Variants in SLC5A1 observed in about 807,000 individuals in gnomAD.
SLC5A1 encodes the protein solute carrier family 5 member 1, also known as sodium/glucose cotransporter 1.
In SLC5A1, 42 loss-of-function variants were observed where a neutral mutation model predicts 73.5. That is an observed-to-expected ratio of 0.57 (90% CI 0.45 to 0.74). The LOEUF is 0.74. Among genes scored for constraint, SLC5A1 ranks in the 30% least tolerant of loss-of-function variants. The pLI is 0.00. For synonymous variants in SLC5A1, 300 were observed against 317.4 expected (o/e 0.95, Z 0.58); for missense variants, 634 against 855.4 (o/e 0.74, Z 3.23).
intron 5 of SLC5A1, among the ~76,000 whole-genome samples, chr22:32,070,347 A>G (rs538831272): frequency 6.1e-5 from 9 of 146,510 alleles, no homozygotes; most frequent in African/African-American, 2.3e-4. Flanking sequence ...TTTTTGTGAG[A>G]TAGGGTCTTG....
intron 2 of SLC5A1, 26 bp downstream of exon 2, chr22:32,050,040 A>C (rs2093943249): frequency 6.3e-7 from 1 of 1,586,284 alleles, no homozygotes. Flanking sequence ...AATGCTATTT[A>C]CATAACTGCT....
chr22:32,079,950 G>A (rs929635592), intron 5 of SLC5A1, among the ~76,000 whole-genome samples: 4 of 152,122 alleles, frequency 2.6e-5, no homozygotes, highest in African/African-American at 7.2e-5. Context: ...TCCAGAACCC[G>A]GGAGAAGAAT....
At chr22:32,074,080 T>A (rs1254650785) in intron 5 of SLC5A1, among the ~76,000 whole-genome samples, 1 of 152,054 alleles carries the variant, frequency 6.6e-6, no homozygotes, top group Non-Finnish European at 1.5e-5. Flanking sequence ...GTGGTACCTG[T>A]CTACTGTGCA....
Position 32,064,488 on chromosome 22 carries a change from CCTGT to C in SLC5A1, c.208-2444_208-2441del, listed in dbSNP as rs1289497871. ...CCAGCCTGGGTGACAGGAATAAAAC[CCTGT>C]CTTAGGAAAAAAAAAAAAAAGTGGA... On this transcript the variant is annotated intron_variant, in intron 2 of 14. Coordinates refer to ENST00000266088, the MANE Select transcript of SLC5A1 (RefSeq NM_000343.4). 4.6e-5 allele frequency among the ~76,000 whole-genome samples: 7 copies of C among 151,042 alleles called. No homozygotes were observed. The East Asian group carries it at 1.4e-3, about 29-fold the overall frequency.
intron 2 of SLC5A1, among the ~76,000 whole-genome samples, chr22:32,055,423 C>T (rs936979069): frequency 8.5e-5 from 13 of 152,342 alleles, no homozygotes; most frequent in Admixed American, 5.9e-4. Context: ...TTCAAACTTC[C>T]TCTGTGGAAA....
At chr22:32,060,144 TACACACACACACACACACACACAC>T (rs61064953) in intron 2 of SLC5A1, among the ~76,000 whole-genome samples, 1 of 125,114 alleles carries the variant, frequency 8.0e-6, no homozygotes, top group Non-Finnish European at 1.6e-5. Context: ...TATATACACA[TACACACACACACACACACACACAC>T]ACACACACAC....
intron 5 of SLC5A1, among the ~76,000 whole-genome samples, chr22:32,075,882 T>C (rs2093990155): frequency 6.6e-6 from 1 of 152,208 alleles, no homozygotes; most frequent in Non-Finnish European, 1.5e-5. Context: ...ATATCAACTG[T>C]ACCTGCTAGA....
At position 32,110,723 on chromosome 22, in the gene SLC5A1, G is replaced by C. The variant is rs886057408; in HGVS notation, c.*510G>C. Reference sequence around the variant, plus strand: ...AAGTGTGTCAATCAGGTAAACTGAGGAATGCATGGAAGCTGAGGATGGAGC... The same window carrying C: ...AAGTGTGTCAATCAGGTAAACTGAGCAATGCATGGAAGCTGAGGATGGAGC... On this transcript the variant is annotated 3_prime_UTR_variant, in exon 15 of 15. Transcript: ENST00000266088. 4.8e-6 allele frequency: 1 copy of C among 207,016 alleles called. No homozygotes were observed. The allele number at this position is 207,016 out of a possible 1,614,324, so 12.8% of individuals were successfully genotyped here. A position where few individuals can be genotyped will look rare whatever the true frequency, so the allele number is the denominator to read the frequency against.
intron 13 of SLC5A1, among the ~76,000 whole-genome samples, chr22:32,103,591 G>A (rs1460645672): frequency 6.6e-6 from 1 of 152,214 alleles, no homozygotes; most frequent in Admixed American, 6.5e-5. Context: ...TGGCTTAGAA[G>A]CCTATGTTCC....
At chr22:32,105,454 C>T (rs1344594618) in intron 14 of SLC5A1, among the ~76,000 whole-genome samples, 2 of 152,034 alleles carry the variant, frequency 1.3e-5, no homozygotes, top group East Asian at 1.9e-4. Flanking sequence ...CCACCACGCC[C>T]GGCTAATTTT....
intron 14 of SLC5A1, among the ~76,000 whole-genome samples, chr22:32,107,650 A>G (rs557461422): frequency 1.3e-5 from 2 of 152,312 alleles, no homozygotes; most frequent in African/African-American, 4.8e-5. Context: ...GTATGTGTAC[A>G]TCTGTCAAGG....
At chr22:32,087,525 G>A (rs1281059554) in intron 10 of SLC5A1, among the ~76,000 whole-genome samples, 1 of 152,126 alleles carries the variant, frequency 6.6e-6, no homozygotes, top group Non-Finnish European at 1.5e-5. Flanking sequence ...GCTCTAGAAT[G>A]AGAAAGTCTG....
chr22:32,096,911 A>G (rs532915742), intron 11 of SLC5A1, among the ~76,000 whole-genome samples: 1 of 152,332 alleles, frequency 6.6e-6, no homozygotes, highest in East Asian at 1.9e-4. Flanking sequence ...GCCACTTTCA[A>G]TTGACAAGAT....
chr22:32,057,800 A>G (rs1452252835), intron 2 of SLC5A1, among the ~76,000 whole-genome samples: 1 of 152,182 alleles, frequency 6.6e-6, no homozygotes, highest in Non-Finnish European at 1.5e-5. Flanking sequence ...TTCTATTTCC[A>G]GGCACACAAA....
intron 11 of SLC5A1, among the ~76,000 whole-genome samples, chr22:32,092,578 G>C (rs997805986): frequency 8.5e-5 from 13 of 152,148 alleles, no homozygotes; most frequent in African/African-American, 3.1e-4. Flanking sequence ...CAGTGTAAAA[G>C]TGTTCTTTTC....
Position 32,104,865 on chromosome 22 carries a change from A to G in SLC5A1, c.1745A>G (p.Glu582Gly). The G allele has an allele frequency of 1.2e-6, 2 of 1,613,878 alleles. No individual in the cohort carries two copies. Among genetic ancestry groups the G allele is most frequent in the East Asian group, 2.2e-5 (1 of 44,882 alleles). ...GATGCGGAAGAGGAGAACATCCAAG[A>G]AGGCCCTAAGGAGACCATTGAAATA... ...DLDAEEENIQ[E>G]GPKETIEIET... The change falls in exon 14 of 15, where the codon GAA becomes GGA. Residue 582 changes from glutamate (E) to glycine (G), a missense_variant. Around this residue, in one of 3 missense-constraint regions of SLC5A1, gnomAD observed 161 missense variants for 178.7 expected, o/e 0.90. Coordinates refer to ENST00000266088, the MANE Select transcript of SLC5A1 (RefSeq NM_000343.4).
At chr22:32,095,031 T>C (rs962855091) in intron 11 of SLC5A1, among the ~76,000 whole-genome samples, 1 of 152,160 alleles carries the variant, frequency 6.6e-6, no homozygotes, top group East Asian at 1.9e-4. Flanking sequence ...GAGGTTTTGA[T>C]AGGTTGTGTC....
Position 32,110,065 on chromosome 22 carries a change from G to GT in SLC5A1, c.1848dup (p.Ala617CysfsTer6). ...CTATTTTGTGGGCTAGAGCAGCACGGTGCACCCAAGATGACTGAGGAAGAG... is the reference window on the plus strand; with the variant it reads ...CTATTTTGTGGGCTAGAGCAGCACGGTTGCACCCAAGATGACTGAGGAAGAG... On this transcript the variant is annotated frameshift_variant, in exon 15 of 15. Transcript: ENST00000266088. LOFTEE classifies it high-confidence loss of function. 1 of 1,614,040 alleles carries GT rather than the reference G, an allele frequency of 6.2e-7. No individual in the cohort carries two copies. Among genetic ancestry groups the GT allele is most frequent in the Non-Finnish European group, 8.5e-7 (1 of 1,179,938 alleles).
At chr22:32,065,004 C>A (rs1225237773) in intron 2 of SLC5A1, among the ~76,000 whole-genome samples, 1 of 152,126 alleles carries the variant, frequency 6.6e-6, no homozygotes, top group African/African-American at 2.4e-5. Flanking sequence ...AGTGCAGTGG[C>A]ACGATCATAG....
Sources: gnomAD v4.1 joint callset for allele counts (sites outside exome capture counted in the v4.1 genomes callset) on GRCh38, gnomAD v4.1.1 for gene constraint, gnomAD v4.1.1 regional missense constraint, MANE v1.5 for transcripts, NCBI Gene and HGNC (gene_info 2026-07-23, HGNC 2026-07-21) for gene names.